Variants in ACAD9 observed in about 807,000 individuals in gnomAD.
ACAD9 encodes the protein complex I assembly factor ACAD9, mitochondrial.
Under a neutral mutation model 70.2 loss-of-function variants are expected in ACAD9, and 53 were observed. The observed-to-expected ratio is 0.75, with a 90% CI of 0.61 to 0.95. ACAD9 has a LOEUF of 0.95. Among genes scored for constraint, ACAD9 ranks in the 40% least tolerant of loss-of-function variants. The pLI is 0.00. For synonymous variants in ACAD9, 313 were observed against 312.1 expected (o/e 1.00, Z -0.03); for missense variants, 777 against 802.8 (o/e 0.97, Z 0.39).
intron 14 of ACAD9, 110 bp from the exon 15 acceptor site, chr3:128,909,234 C>A: frequency 6.3e-7 from 1 of 1,595,586 alleles, no homozygotes; most frequent in Non-Finnish European, 8.6e-7. Flanking sequence ...TCCATGACAC[C>A]CTGGATTGCT....
At chr3:128,882,416 G>A (rs1344401581) in intron 1 of ACAD9, among the ~76,000 whole-genome samples, 1 of 152,198 alleles carries the variant, frequency 6.6e-6, no homozygotes, top group Non-Finnish European at 1.5e-5. Context: ...CAGAAGATCT[G>A]GTTTTCTCTA....
chr3:128,895,253 C>A (rs1183220400), intron 3 of ACAD9, 57 bp from the exon 4 acceptor site: 3 of 1,360,328 alleles, frequency 2.2e-6, no homozygotes, highest in Non-Finnish European at 3.1e-6. Flanking sequence ...GCCAATGAAG[C>A]CTTAATGGGA....
intron 2 of ACAD9, among the ~76,000 whole-genome samples, chr3:128,886,357 T>A (rs1274172591): frequency 6.6e-6 from 1 of 151,646 alleles, no homozygotes. Context: ...TTCCTCAGCC[T>A]CCCCAAGTGC....
At chr3:128,909,591 A>T in intron 15 of ACAD9, 170 bp downstream of exon 15, 1 of 722,848 alleles carries the variant, frequency 1.4e-6, no homozygotes. Context: ...CCTGGGGCCC[A>T]CTTAGCTACT....
intron 11 of ACAD9, among the ~76,000 whole-genome samples, chr3:128,905,405 G>A (rs1935860076): frequency 6.6e-6 from 1 of 152,174 alleles, no homozygotes; most frequent in Non-Finnish European, 1.5e-5. Context: ...CCTACTTTGT[G>A]CCCCCCACAA....
rs1935828015 is a variant in ACAD9 at position 128,904,384 on chromosome 3, A to G, written c.1030-2A>G. The G allele has an allele frequency of 6.2e-7, 1 of 1,614,246 alleles. No individual in the cohort carries two copies. Among genetic ancestry groups the G allele is most frequent in the South Asian group, 1.1e-5 (1 of 91,088 alleles). Reference sequence around the variant, plus strand: ...TTCTTGTGTTTTTTCTGAACACTCCAGGAGAAATTTGCACTGATGGCTCAG... The same window carrying G: ...TTCTTGTGTTTTTTCTGAACACTCCGGGAGAAATTTGCACTGATGGCTCAG... On this transcript the variant is annotated splice_acceptor_variant, in intron 10 of 17. Coordinates refer to ENST00000308982, the MANE Select transcript of ACAD9 (RefSeq NM_014049.5). LOFTEE classifies it high-confidence loss of function.
chr3:128,896,602 G>C lies in ACAD9; in HGVS notation c.554+66G>C. 3 of 1,528,922 alleles carry C rather than the reference G, an allele frequency of 2.0e-6. No homozygotes were observed. In the South Asian group the frequency reaches 3.4e-5, roughly 17 times the overall value. 94.7% of individuals were successfully genotyped at this position (1,528,922 alleles called of 1,614,324 possible). Reference sequence around the variant, plus strand: ...TGTTGCCCAAGATTCACTGGGGCAAGGGGCTGTTGGTTTTGTTGAGTAGCT... The same window carrying C: ...TGTTGCCCAAGATTCACTGGGGCAACGGGCTGTTGGTTTTGTTGAGTAGCT... On this transcript the variant is annotated intron_variant, in intron 5 of 17. Coordinates refer to ENST00000308982, the MANE Select transcript of ACAD9 (RefSeq NM_014049.5).
At position 128,912,570 on chromosome 3, in the gene ACAD9, C is replaced by T; in HGVS notation, c.1829C>T (p.Ala610Val). Residue 610 changes from alanine (A) to valine (V), a missense_variant, in exon 18 of 18, where the codon GCC (alanine) becomes GTC (valine). Transcript: ENST00000308982. ...KVSQQILEKR[A>V]YICAHPLDRT... Reference sequence around the variant, plus strand: ...TCCCAGCAGATCCTTGAGAAGCGAGCCTATATCTGTGCCCACCCTCTGGAC... The same window carrying T: ...TCCCAGCAGATCCTTGAGAAGCGAGTCTATATCTGTGCCCACCCTCTGGAC... 1 of 1,614,162 alleles carries T rather than the reference C, an allele frequency of 6.2e-7. No individual in the cohort carries two copies. Among genetic ancestry groups the T allele is most frequent in the African/African-American group, 1.3e-5 (1 of 75,028 alleles).
intron 12 of ACAD9, among the ~76,000 whole-genome samples, chr3:128,907,982 G>A (rs1417264438): frequency 6.6e-6 from 1 of 152,204 alleles, no homozygotes; most frequent in Non-Finnish European, 1.5e-5. Flanking sequence ...CCCAGTGGGA[G>A]CTCATGGCCA....
At chr3:128,896,565 C>T in intron 5 of ACAD9, 29 bp downstream of exon 5, 3 of 1,610,220 alleles carry the variant, frequency 1.9e-6, no homozygotes, top group Non-Finnish European at 1.7e-6. Flanking sequence ...CGTTATCCCT[C>T]AGCAGCTGTG....
rs373112503 is a variant in ACAD9 at position 128,902,601 on chromosome 3, G to A, written c.931G>A (p.Val311Met). Residue 311 changes from valine (V) to methionine (M), a missense_variant, in exon 9 of 18, where the codon GTG becomes ATG. Transcript: ENST00000308982. This position sits in a 1 kb window ranked among gnomAD's most constrained non-coding sequence, Gnocchi z 4.0. The part of the protein sequence containing the change: ...NSGRFSMGSV[V>M]AGLLKRLIEM... ...CGGCCGGTTCAGCATGGGCAGCGTC[G>A]TGGCTGGGCTGCTCAAGAGATTGAT... 43 of 1,614,164 alleles carry A rather than the reference G, an allele frequency of 2.7e-5. No individual in the cohort carries two copies. The Admixed American group carries it at 4.7e-4, about 18-fold the overall frequency.
chr3:128,888,803 CTT>C (rs150895592), intron 2 of ACAD9, among the ~76,000 whole-genome samples: 2 of 151,302 alleles, frequency 1.3e-5, no homozygotes, highest in Non-Finnish European at 2.9e-5. Flanking sequence ...CTTATTTCTG[CTT>C]TTTTTCCTAG....
At chr3:128,882,480 A>G (rs1935123240) in intron 1 of ACAD9, among the ~76,000 whole-genome samples, 1 of 152,146 alleles carries the variant, frequency 6.6e-6, no homozygotes, top group Non-Finnish European at 1.5e-5. Flanking sequence ...GCTACTTTGG[A>G]TCAGGCCAGT....
chr3:128,899,501 A>C, intron 7 of ACAD9, 40 bp downstream of exon 7: 1 of 1,508,200 alleles, frequency 6.6e-7, no homozygotes, highest in East Asian at 2.7e-5. Flanking sequence ...GTGTGTGTGT[A>C]AGGGGGAGAC....
At chr3:128,881,337 C>T (rs56130087) in intron 1 of ACAD9, among the ~76,000 whole-genome samples, 1 of 152,200 alleles carries the variant, frequency 6.6e-6, no homozygotes, top group African/African-American at 2.4e-5. Flanking sequence ...TGCCTTTACT[C>T]TCAGCTGTCA....
chr3:128,904,539 A>C, intron 11 of ACAD9, 34 bp downstream of exon 11: 1 of 1,607,342 alleles, frequency 6.2e-7, no homozygotes, highest in Non-Finnish European at 8.5e-7. Context: ...CTGGCGCTGG[A>C]GGGAGGCTTG....
chr3:128,908,536 T>G, intron 13 of ACAD9: 1 of 582,726 alleles, frequency 1.7e-6, no homozygotes, highest in Non-Finnish European at 3.1e-6. Flanking sequence ...CAGCTGGTTT[T>G]TCAGAACCTG....
At chr3:128,883,073 G>GTTTTTTT (rs58094285) in intron 1 of ACAD9, among the ~76,000 whole-genome samples, 2 of 139,100 alleles carry the variant, frequency 1.4e-5, no homozygotes, top group African/African-American at 2.7e-5. Flanking sequence ...CCATCAGCTT[G>GTTTTTTT]TTTTTTTTTT....
Position 128,893,653 on chromosome 3 carries a change from T to C in ACAD9, c.343T>C (p.Tyr115His). ...TTTTGGGCTGCAAGTCCCAGAAGAA[T>C]ATGGTAAGTCAAGCAAACAAGCACC... is the stretch of plus-strand genomic sequence containing the variant. ...GLFGLQVPEE[Y>H]GGLGFSNTMY... Residue 115 changes from tyrosine (Y) to histidine (H), a missense_variant, in exon 3 of 18, where the codon TAT becomes CAT. By Grantham distance (83) the Tyr-to-His change is moderately conservative. Transcript: ENST00000308982. 1.9e-6 allele frequency: 3 copies of C among 1,613,610 alleles called. No individual in the cohort carries two copies. The highest frequency in any genetic ancestry group is 2.5e-6 in the Non-Finnish European group (3 of 1,179,514).
Sources: gnomAD v4.1 joint callset for allele counts (sites outside exome capture counted in the v4.1 genomes callset) on GRCh38, gnomAD v4.1.1 for gene constraint, Gnocchi (gnomAD v3.1) non-coding constraint, MANE v1.5 for transcripts, NCBI Gene and HGNC (gene_info 2026-07-23, HGNC 2026-07-21) for gene names.